CACNA1B: variants seen among roughly 807,000 people sequenced by gnomAD.
CACNA1B encodes voltage-dependent N-type calcium channel subunit alpha-1B.
In CACNA1B, 70 loss-of-function variants were observed where a neutral mutation model predicts 247.2. The ratio of observed to expected loss-of-function variants is 0.28; its 90% CI spans 0.23 to 0.35. The LOEUF (loss-of-function observed/expected upper bound fraction) is 0.35, where lower values mean the gene tolerates loss of function less well. Ranked by LOEUF, CACNA1B falls within the 10% of genes least tolerant of loss-of-function variation. The pLI, the probability that CACNA1B is intolerant of heterozygous loss-of-function variation, is 1.00. For missense variants in CACNA1B, 2,367 were observed against 3,197.4 expected, an observed-to-expected ratio of 0.74 and a Z score of 6.26; for synonymous variants, 1,231 against 1,294.4, an observed-to-expected ratio of 0.95 and a Z score of 1.05.
At chr9:137,934,303 G>C (rs552970592) in intron 6 of CACNA1B, among the ~76,000 whole-genome samples, 67 of 152,290 alleles carry the variant, frequency 4.4e-4, no homozygotes, top group Middle Eastern at 3.4e-3. Context: ...ACCACAGAAG[G>C]CTTGTCCAGC....
intron 15 of CACNA1B, among the ~76,000 whole-genome samples, chr9:138,005,450 AG>A (rs1958635070): frequency 6.6e-6 from 1 of 152,208 alleles, no homozygotes; most frequent in Non-Finnish European, 1.5e-5. Context: ...GGCTACCAGA[AG>A]GTGGGAAGGC....
chr9:137,916,308 C>T (rs1957410745), intron 5 of CACNA1B, among the ~76,000 whole-genome samples: 1 of 152,204 alleles, frequency 6.6e-6, no homozygotes, highest in South Asian at 2.1e-4. Context: ...GCTAGGATTA[C>T]AGGCGTGAGC....
At chr9:138,097,786 C>G (rs1961104590) in intron 37 of CACNA1B, among the ~76,000 whole-genome samples, 1 of 152,206 alleles carries the variant, frequency 6.6e-6, no homozygotes, top group African/African-American at 2.4e-5. Context: ...TGGTGAGGTC[C>G]TACTGCCCAC....
At chr9:137,935,620 G>C (rs1213453925) in intron 6 of CACNA1B, among the ~76,000 whole-genome samples, 1 of 152,194 alleles carries the variant, frequency 6.6e-6, no homozygotes, top group African/African-American at 2.4e-5. Flanking sequence ...TATATACCCA[G>C]TAATGGGATC....
chr9:137,963,722 T>A (rs1424162932), intron 10 of CACNA1B, among the ~76,000 whole-genome samples: 1 of 152,200 alleles, frequency 6.6e-6, no homozygotes, highest in Non-Finnish European at 1.5e-5. Flanking sequence ...TACGTGTGGA[T>A]TTGATCCTGT....
intron 6 of CACNA1B, among the ~76,000 whole-genome samples, chr9:137,923,409 AGTATTCCATGGCTCCAGGTG>A (rs1957512979): frequency 6.9e-5 from 9 of 130,444 alleles, no homozygotes; most frequent in South Asian, 2.5e-4. Flanking sequence ...GGTGCCAGGT[AGTATTCCATGGCTCCAGGTG>A]GTATTCCGTG....
chr9:138,064,905 C>G (rs1959861675), intron 31 of CACNA1B, among the ~76,000 whole-genome samples: 1 of 152,246 alleles, frequency 6.6e-6, no homozygotes, highest in Non-Finnish European at 1.5e-5. Context: ...TGCCCTCCTC[C>G]CAAAACGCTC....
chr9:137,897,654 G>T (rs1327945580), intron 3 of CACNA1B, among the ~76,000 whole-genome samples: 1 of 152,046 alleles, frequency 6.6e-6, no homozygotes, highest in Non-Finnish European at 1.5e-5. Flanking sequence ...TTAATATGTT[G>T]TATTTTCGAT....
intron 20 of CACNA1B, among the ~76,000 whole-genome samples, chr9:138,035,957 G>A (rs1036033977): frequency 6.6e-6 from 1 of 152,130 alleles, no homozygotes; most frequent in African/African-American, 2.4e-5. Flanking sequence ...TGATTCATGA[G>A]TTTTTAAAGT....
intron 31 of CACNA1B, among the ~76,000 whole-genome samples, chr9:138,066,043 G>C (rs539734329): frequency 6.6e-6 from 1 of 152,188 alleles, no homozygotes; most frequent in Admixed American, 6.5e-5. Context: ...GGATCAGAAC[G>C]TGTGATCCAA....
intron 3 of CACNA1B, among the ~76,000 whole-genome samples, chr9:137,909,834 G>A (rs1957340907): frequency 6.6e-6 from 1 of 151,774 alleles, no homozygotes; most frequent in Admixed American, 6.6e-5. Flanking sequence ...GCAGTGGCAT[G>A]ATCTCAGCTC....
At chr9:137,946,983 C>T (rs1051816703) in intron 6 of CACNA1B, among the ~76,000 whole-genome samples, 1 of 152,336 alleles carries the variant, frequency 6.6e-6, no homozygotes, top group Non-Finnish European at 1.5e-5. Flanking sequence ...AGTGAAAGCA[C>T]AGACTTATTG....
rs538623860 is a variant in CACNA1B, at chr9:138,087,399, A to G, written c.5095-9085A>G. ...GACTCTGTCTCAAAAAAAAAAAAAA[A>G]AAAAGAAAAAGAAAAAAAAGAAAAG... On this transcript the variant is annotated intron_variant, in intron 36 of 46. Transcript: ENST00000371372. Among the ~76,000 whole-genome samples the G allele has an allele frequency of 5.6e-3, 805 of 144,594 alleles. 30 individuals are homozygous for G. Among genetic ancestry groups the G allele is most frequent in the African/African-American group, 0.019 (710 of 37,718 alleles). 94.9% of individuals were successfully genotyped at this position (144,594 alleles called of 152,430 possible). A position where few individuals can be genotyped will look rare whatever the true frequency, so the allele number is the denominator to read the frequency against.
chr9:138,028,994 G>T (rs1276297420), intron 20 of CACNA1B, among the ~76,000 whole-genome samples: 2 of 152,196 alleles, frequency 1.3e-5, no homozygotes, highest in African/African-American at 4.8e-5. Flanking sequence ...GCTCTTTCAG[G>T]TTTCTTCACA....
chr9:138,071,528 G>T (rs2133532705), intron 32 of CACNA1B, among the ~76,000 whole-genome samples: 1 of 152,316 alleles, frequency 6.6e-6, no homozygotes. Flanking sequence ...GTCACCGTCT[G>T]TCTTCACAGC....
At chr9:138,009,136 G>A (rs1362675694) in intron 16 of CACNA1B, among the ~76,000 whole-genome samples, 2 of 152,246 alleles carry the variant, frequency 1.3e-5, no homozygotes, top group African/African-American at 4.8e-5. Flanking sequence ...GATGGGACAA[G>A]GACCTGGTCC....
Position 137,914,515 on chromosome 9 carries a change from A to G in CACNA1B, c.623-139A>G. ...CTGCGCCTTAAGGGGCTTCAGCTCT[A>G]TCCTTTGCCCTTGCAAGCACTCACT... On this transcript the variant is annotated intron_variant, in intron 4 of 46. Coordinates refer to ENST00000371372, the MANE Select transcript of CACNA1B (RefSeq NM_000718.4). This position sits in a 1 kb window ranked among gnomAD's most constrained non-coding sequence, Gnocchi z 4.3. The G allele has an allele frequency of 3.0e-6, 2 of 676,576 alleles. No homozygotes were observed. The highest frequency in any genetic ancestry group is 5.1e-6 in the Non-Finnish European group (2 of 395,302). 41.9% of individuals were successfully genotyped at this position (676,576 alleles called of 1,614,324 possible). A position where few individuals can be genotyped will look rare whatever the true frequency, so the allele number is the denominator to read the frequency against.
Position 138,059,019 on chromosome 9 carries a change from C to A in CACNA1B, c.4474-60C>A. ...CCCGCTTTGCTTGGTCATAGTGGTC[C>A]CAGATGGGGTGTCTTGGGGCTGCCA... is the stretch of plus-strand genomic sequence containing the variant. On this transcript the variant is annotated intron_variant, in intron 29 of 46. Transcript: ENST00000371372. This position sits in a 1 kb window ranked among gnomAD's most constrained non-coding sequence, Gnocchi z 4.2. The A allele has an allele frequency of 9.9e-7, 1 of 1,011,274 alleles. No individual in the cohort carries two copies. The allele number at this position is 1,011,274 out of a possible 1,614,324, so 62.6% of individuals were successfully genotyped here.
intron 40 of CACNA1B, among the ~76,000 whole-genome samples, chr9:138,113,084 C>T (rs538566230): frequency 1.7e-4 from 17 of 101,518 alleles, no homozygotes; most frequent in African/African-American, 4.7e-4. Context: ...ATCTTGGAGA[C>T]GTGAGGGAGC....
Sources: allele counts gnomAD v4.1 joint callset (sites outside exome capture counted in the v4.1 genomes callset), GRCh38; gene constraint gnomAD v4.1.1; non-coding constraint Gnocchi (gnomAD v3.1); transcripts MANE v1.5; gene names NCBI Gene and HGNC (gene_info 2026-07-23, HGNC 2026-07-21).